The following MTUS2 variants were observed in gnomAD, a reference collection of about 807,000 sequenced individuals.
The protein encoded by MTUS2 is microtubule-associated tumor suppressor candidate 2.
In MTUS2, 40 loss-of-function variants were observed where a neutral mutation model predicts 114.1. The observed-to-expected ratio is 0.35, with a 90% CI of 0.27 to 0.46. MTUS2 has a LOEUF of 0.46. MTUS2 is among the 20% of genes least tolerant of loss of function. The pLI, the probability that MTUS2 is intolerant of heterozygous loss-of-function variation, is 1.00. For synonymous variants in MTUS2, 688 were observed against 672.0 expected (o/e 1.02, Z -0.37); for missense variants, 1,679 against 1,705.4 (o/e 0.98, Z 0.27).
intron 5 of MTUS2, among the ~76,000 whole-genome samples, chr13:29,102,344 A>T (rs533316856): frequency 1.3e-5 from 2 of 152,298 alleles, no homozygotes; most frequent in African/African-American, 4.8e-5. Flanking sequence ...TTTCCAACAA[A>T]GGAGTTAAGA....
intron 1 of MTUS2, among the ~76,000 whole-genome samples, chr13:28,832,820 A>G (rs1279309187): frequency 1.3e-5 from 2 of 151,758 alleles, no homozygotes; most frequent in Non-Finnish European, 2.9e-5. Context: ...GATCAGCAAA[A>G]TTTACAAATC....
At chr13:29,448,375 G>C (rs1464084811) in intron 9 of MTUS2, among the ~76,000 whole-genome samples, 5 of 152,238 alleles carry the variant, frequency 3.3e-5, no homozygotes, top group African/African-American at 1.2e-4. Flanking sequence ...TGAATGTGGT[G>C]TGAAATTGGC....
intron 2 of MTUS2, among the ~76,000 whole-genome samples, chr13:29,015,442 A>G (rs1355875889): frequency 6.6e-6 from 1 of 152,344 alleles, no homozygotes; most frequent in Non-Finnish European, 1.5e-5. Context: ...TTATTCAACA[A>G]ATAATTACAG....
intron 8 of MTUS2, among the ~76,000 whole-genome samples, chr13:29,411,180 T>C (rs1254645975): frequency 6.6e-6 from 1 of 152,076 alleles, no homozygotes; most frequent in East Asian, 1.9e-4. Flanking sequence ...GTTTTGGGGG[T>C]TTTTGTTTTC....
At chr13:29,445,236 G>C (rs1483630716) in intron 9 of MTUS2, among the ~76,000 whole-genome samples, 2 of 152,134 alleles carry the variant, frequency 1.3e-5, no homozygotes, top group Non-Finnish European at 2.9e-5. Flanking sequence ...CTGATGCCCG[G>C]GGTGTGGAGG....
chr13:29,441,354 C>T (rs888130915), intron 9 of MTUS2, among the ~76,000 whole-genome samples: 16 of 152,174 alleles, frequency 1.1e-4, no homozygotes, highest in African/African-American at 3.9e-4. Context: ...AAAGTGGCCC[C>T]ACTCCCCGCA....
intron 10 of MTUS2, chr13:29,482,474 G>C (rs1170155143): frequency 6.6e-6 from 1 of 152,214 alleles, no homozygotes; most frequent in African/African-American, 2.4e-5. Context: ...TGTTGTATGA[G>C]AGCCCTGCGC....
chr13:29,390,189 T>C (rs528186049), intron 8 of MTUS2, among the ~76,000 whole-genome samples: 3 of 150,830 alleles, frequency 2.0e-5, no homozygotes, highest in African/African-American at 7.3e-5. Flanking sequence ...TATGAATATA[T>C]ATTTTTTCTA....
chr13:29,253,934 C>T (rs1484454358), intron 5 of MTUS2, among the ~76,000 whole-genome samples: 4 of 152,174 alleles, frequency 2.6e-5, no homozygotes, highest in African/African-American at 9.7e-5. Flanking sequence ...GACTTGCCCC[C>T]ATGATGTAAT....
At chr13:28,988,900 TG>T (rs757933939) in intron 2 of MTUS2, among the ~76,000 whole-genome samples, 6 of 152,208 alleles carry the variant, frequency 3.9e-5, no homozygotes, top group Non-Finnish European at 7.3e-5. Context: ...TGTAAGCTCA[TG>T]TCTAAAATAT....
chr13:29,435,105 G>A (rs1384773220), intron 8 of MTUS2, among the ~76,000 whole-genome samples: 1 of 152,162 alleles, frequency 6.6e-6, no homozygotes, highest in Non-Finnish European at 1.5e-5. Context: ...AAAGGAGAGC[G>A]GTACATGAAC....
intron 2 of MTUS2, among the ~76,000 whole-genome samples, chr13:28,899,504 G>A (rs991587300): frequency 4.6e-5 from 7 of 152,140 alleles, no homozygotes; most frequent in Non-Finnish European, 8.8e-5. Flanking sequence ...CCGCCTCCCA[G>A]GTTCACGCCA....
At chr13:29,459,834 C>A (rs1364461593) in intron 9 of MTUS2, among the ~76,000 whole-genome samples, 1 of 152,160 alleles carries the variant, frequency 6.6e-6, no homozygotes, top group Non-Finnish European at 1.5e-5. Flanking sequence ...ACACACAACT[C>A]CTGCTACTCC....
intron 5 of MTUS2, among the ~76,000 whole-genome samples, chr13:29,179,654 CTT>C (rs971475621): frequency 2.6e-5 from 4 of 152,276 alleles, no homozygotes; most frequent in South Asian, 2.1e-4. Context: ...TAAAAACAAA[CTT>C]TGAAAATTTG....
At chr13:28,822,447 G>A (rs1873969098) in intron 1 of MTUS2, among the ~76,000 whole-genome samples, 1 of 152,214 alleles carries the variant, frequency 6.6e-6, no homozygotes, top group Non-Finnish European at 1.5e-5. Flanking sequence ...TGAAAGAGAG[G>A]TAAGAATAGC....
At chr13:29,394,652 C>T (rs1365978228) in intron 8 of MTUS2, among the ~76,000 whole-genome samples, 1 of 152,210 alleles carries the variant, frequency 6.6e-6, no homozygotes, top group Non-Finnish European at 1.5e-5. Context: ...GGATCCCCAA[C>T]CCCCTGGCCA....
chr13:29,142,990 C>T (rs547202857), intron 5 of MTUS2, among the ~76,000 whole-genome samples: 1 of 152,248 alleles, frequency 6.6e-6, no homozygotes, highest in South Asian at 2.1e-4. Context: ...CAAACAAAAA[C>T]CAGAGAAGAT....
At chr13:28,987,573 C>G (rs1004232116) in intron 2 of MTUS2, among the ~76,000 whole-genome samples, 1 of 152,098 alleles carries the variant, frequency 6.6e-6, no homozygotes, top group Non-Finnish European at 1.5e-5. Context: ...TGTGTGGGAA[C>G]CAGGCTGGAA....
chr13:29,230,028 C>T (rs560743480), intron 5 of MTUS2, among the ~76,000 whole-genome samples: 12 of 152,246 alleles, frequency 7.9e-5, no homozygotes, highest in Non-Finnish European at 1.5e-4. Context: ...AGGCGGATCA[C>T]GAGGTCAGGA....
Sources: allele counts gnomAD v4.1 joint callset (sites outside exome capture counted in the v4.1 genomes callset), GRCh38; gene constraint gnomAD v4.1.1; transcripts MANE v1.5; gene names NCBI Gene and HGNC (gene_info 2026-07-23, HGNC 2026-07-21).